The following DGKB variants were observed in gnomAD, a reference collection of about 807,000 sequenced individuals.
DGKB encodes the protein diacylglycerol kinase beta, also known as 90 kDa diacylglycerol kinase.
Under a neutral mutation model 114.3 loss-of-function variants are expected in DGKB, and 67 were observed. The ratio of observed to expected loss-of-function variants is 0.59; its 90% CI spans 0.48 to 0.72. DGKB has a LOEUF of 0.72. Among genes scored for constraint, DGKB ranks in the 30% least tolerant of loss-of-function variants. DGKB has a pLI of 0.00. For missense variants in DGKB, 907 were observed against 975.2 expected, an observed-to-expected ratio of 0.93 and a Z score of 0.93; for synonymous variants, 398 against 323.1, an observed-to-expected ratio of 1.23 and a Z score of -2.49.
At chr7:14,922,375 C>CAT (rs1554345681) in intron 1 of DGKB, among the ~76,000 whole-genome samples, 1 of 118,214 alleles carries the variant, frequency 8.5e-6, no homozygotes, top group African/African-American at 3.8e-5. Context: ...GTGTATCCAT[C>CAT]GTGTGTGTGT....
intron 23 of DGKB, among the ~76,000 whole-genome samples, chr7:14,196,637 T>C (rs1785055871): frequency 6.6e-6 from 1 of 152,124 alleles, no homozygotes; most frequent in Non-Finnish European, 1.5e-5. Flanking sequence ...TACAATCTCC[T>C]TTGTCATTTC....
At chr7:14,467,994 T>C (rs1353991060) in intron 21 of DGKB, among the ~76,000 whole-genome samples, 1 of 152,156 alleles carries the variant, frequency 6.6e-6, no homozygotes, top group Non-Finnish European at 1.5e-5. Context: ...CTGGGATAAT[T>C]GCCACCAAGA....
At chr7:14,164,052 A>G (rs1233742101) in intron 25 of DGKB, among the ~76,000 whole-genome samples, 1 of 152,088 alleles carries the variant, frequency 6.6e-6, no homozygotes, top group Non-Finnish European at 1.5e-5. Flanking sequence ...CACCACAACA[A>G]CAACAAAAAA....
intron 21 of DGKB, among the ~76,000 whole-genome samples, chr7:14,475,177 A>G (rs1274151610): frequency 6.6e-6 from 1 of 152,144 alleles, no homozygotes; most frequent in Non-Finnish European, 1.5e-5. Flanking sequence ...TATTAATGGC[A>G]TGTGATTTAT....
At chr7:14,333,976 C>G (rs1010622080) in intron 23 of DGKB, among the ~76,000 whole-genome samples, 1 of 152,100 alleles carries the variant, frequency 6.6e-6, no homozygotes, top group African/African-American at 2.4e-5. Flanking sequence ...TTAAAATCTT[C>G]TCTGATAAAA....
chr7:14,824,705 T>C (rs62448750), intron 2 of DGKB, among the ~76,000 whole-genome samples: 29,538 of 151,858 alleles, frequency 0.19, 3,038 homozygotes, highest in South Asian at 0.26. Context: ...AATTAGAAAA[T>C]GTGTTGTTTA....
intron 20 of DGKB, among the ~76,000 whole-genome samples, chr7:14,537,907 C>G (rs909764736): frequency 4.0e-5 from 6 of 151,884 alleles, no homozygotes; most frequent in African/African-American, 7.2e-5. Flanking sequence ...ATGGAGAAAC[C>G]CCGTCTCTAC....
intron 21 of DGKB, among the ~76,000 whole-genome samples, chr7:14,444,568 A>G (rs543650836): frequency 6.6e-6 from 1 of 151,838 alleles, no homozygotes; most frequent in Non-Finnish European, 1.5e-5. Flanking sequence ...TTGGATAGTA[A>G]ATTGGTAGCA....
At chr7:14,912,257 GCCTATTT>G (rs1484284060) in intron 1 of DGKB, among the ~76,000 whole-genome samples, 1 of 152,016 alleles carries the variant, frequency 6.6e-6, no homozygotes, top group Non-Finnish European at 1.5e-5. Flanking sequence ...CTCCAAATAG[GCCTATTT>G]CCTAATGTTT....
chr7:14,938,459 A>C (rs1785387711), intron 1 of DGKB, among the ~76,000 whole-genome samples: 1 of 152,210 alleles, frequency 6.6e-6, no homozygotes, highest in African/African-American at 2.4e-5. Flanking sequence ...TATTTTTCTT[A>C]TCTGATAAAA....
intron 25 of DGKB, among the ~76,000 whole-genome samples, chr7:14,167,663 G>C (rs745783776): frequency 3.3e-5 from 5 of 152,124 alleles, no homozygotes; most frequent in Admixed American, 2.0e-4. Context: ...TCATCACCAA[G>C]TTTTCAGACA....
chr7:14,291,284 A>G (rs927579329), intron 23 of DGKB, among the ~76,000 whole-genome samples: 13 of 152,180 alleles, frequency 8.5e-5, no homozygotes, highest in African/African-American at 3.1e-4. Context: ...TTGGCAAAGT[A>G]TCATGCTATC....
intron 17 of DGKB, among the ~76,000 whole-genome samples, chr7:14,593,954 G>C (rs1319128704): frequency 6.6e-6 from 1 of 151,976 alleles, no homozygotes; most frequent in Non-Finnish European, 1.5e-5. Context: ...TGACCAATCT[G>C]CCTTTCATGC....
chr7:14,266,990 T>A (rs1033809432), intron 23 of DGKB, among the ~76,000 whole-genome samples: 1 of 119,142 alleles, frequency 8.4e-6, no homozygotes, highest in Admixed American at 8.4e-5. Flanking sequence ...TTTTGTAATA[T>A]AGATAATGAA....
At chr7:14,682,987 C>G (rs963005772) in intron 10 of DGKB, 146 bp from the exon 11 acceptor site, 1 of 636,484 alleles carries the variant, frequency 1.6e-6, no homozygotes. Context: ...AAGTCCAAGT[C>G]GACTGTTTTT....
chr7:14,419,512 G>A (rs988853493), intron 21 of DGKB, among the ~76,000 whole-genome samples: 1 of 151,744 alleles, frequency 6.6e-6, no homozygotes, highest in Non-Finnish European at 1.5e-5. Flanking sequence ...TATTTGCTGT[G>A]TGGCAAAAGA....
intron 25 of DGKB, among the ~76,000 whole-genome samples, chr7:14,160,935 A>G (rs1200578180): frequency 6.6e-6 from 1 of 152,180 alleles, no homozygotes; most frequent in East Asian, 1.9e-4. Flanking sequence ...ATATAGACCA[A>G]TGGAACAAGG....
At chr7:14,447,537 A>G (rs1228589958) in intron 21 of DGKB, among the ~76,000 whole-genome samples, 1 of 152,136 alleles carries the variant, frequency 6.6e-6, no homozygotes, top group East Asian at 1.9e-4. Context: ...TTGTGAAGAT[A>G]TTTATTTTTA....
chr7:14,653,629 C>T (rs1815118691), intron 13 of DGKB, among the ~76,000 whole-genome samples: 1 of 149,288 alleles, frequency 6.7e-6, no homozygotes, highest in Admixed American at 6.7e-5. Flanking sequence ...ACAATGTGCA[C>T]ATGTACTCTA....
Sources: allele counts gnomAD v4.1 joint callset (sites outside exome capture counted in the v4.1 genomes callset), GRCh38; gene constraint gnomAD v4.1.1; transcripts MANE v1.5; gene names NCBI Gene and HGNC (gene_info 2026-07-23, HGNC 2026-07-21).